The following IPO11 variants were observed in gnomAD, a reference collection of about 807,000 sequenced individuals.
The protein encoded by IPO11 is importin-11.
In IPO11, 66 loss-of-function variants were observed where a neutral mutation model predicts 143.2. The ratio of observed to expected loss-of-function variants is 0.46; its 90% confidence interval spans 0.38 to 0.57. The LOEUF (loss-of-function observed/expected upper bound fraction) is 0.57. Ranked by LOEUF, IPO11 falls within the 20% of genes least tolerant of loss-of-function variation. IPO11 has a pLI of 0.00. For missense variants in IPO11, 1,026 were observed against 1,141.0 expected (o/e 0.90, Z 1.45); for synonymous variants, 385 against 377.8 (o/e 1.02, Z -0.22).
chr5:62,471,620 T>C (rs778215915), intron 7 of IPO11, among the ~76,000 whole-genome samples: 9 of 152,214 alleles, frequency 5.9e-5, no homozygotes, highest in Non-Finnish European at 1.2e-4. Context: ...CATATTTACA[T>C]GTCGTTTCCT....
chr5:62,550,735 G>C (rs1743359992), intron 25 of IPO11, among the ~76,000 whole-genome samples: 1 of 152,024 alleles, frequency 6.6e-6, no homozygotes, highest in Admixed American at 6.6e-5. Context: ...TCCAATGCTT[G>C]ACTACTAAGA....
At chr5:62,590,901 G>T (rs1744985905) in intron 27 of IPO11, among the ~76,000 whole-genome samples, 4 of 151,688 alleles carry the variant, frequency 2.6e-5, no homozygotes, top group Admixed American at 2.6e-4. Context: ...TCATGTTTTT[G>T]CCTTTTTAAA....
intron 29 of IPO11, among the ~76,000 whole-genome samples, chr5:62,609,583 G>A (rs1219208494): frequency 6.6e-6 from 1 of 152,264 alleles, no homozygotes; most frequent in Admixed American, 6.5e-5. Flanking sequence ...CCCTCAAGGA[G>A]CTCCTAGACC....
chr5:62,435,150 A>ATATG (rs1221203328), intron 1 of IPO11, among the ~76,000 whole-genome samples: 12 of 98,142 alleles, frequency 1.2e-4, no homozygotes, highest in African/African-American at 4.9e-4. Context: ...ATATGTATAT[A>ATATG]TGTATATATA....
intron 2 of IPO11, among the ~76,000 whole-genome samples, chr5:62,441,540 A>T (rs2112140915): frequency 1.4e-5 from 1 of 73,030 alleles, no homozygotes; most frequent in Admixed American, 2.2e-4. Context: ...TATGGGACAG[A>T]GTTTTGCTCT....
At chr5:62,538,783 GC>G (rs1162656468) in intron 24 of IPO11, among the ~76,000 whole-genome samples, 1 of 152,166 alleles carries the variant, frequency 6.6e-6, no homozygotes, top group Non-Finnish European at 1.5e-5. Context: ...CAGTGAAATC[GC>G]CTAATGACAC....
At chr5:62,585,533 G>C (rs1304586702) in intron 27 of IPO11, among the ~76,000 whole-genome samples, 3 of 152,162 alleles carry the variant, frequency 2.0e-5, no homozygotes, top group African/African-American at 7.2e-5. Context: ...AGAGAGCTGG[G>C]CAGGAACCAG....
chr5:62,600,555 A>G (rs531767065), intron 28 of IPO11, among the ~76,000 whole-genome samples: 3 of 152,352 alleles, frequency 2.0e-5, no homozygotes, highest in East Asian at 3.9e-4. Flanking sequence ...ATTCAGTTCT[A>G]AAATACAAAC....
chr5:62,436,120 A>G (rs1744222691), intron 1 of IPO11, among the ~76,000 whole-genome samples: 1 of 152,170 alleles, frequency 6.6e-6, no homozygotes, highest in Admixed American at 6.5e-5. Flanking sequence ...AGATGGTACA[A>G]TGAAATTTTT....
intron 29 of IPO11, among the ~76,000 whole-genome samples, chr5:62,619,576 G>A (rs969511484): frequency 7.2e-5 from 11 of 151,818 alleles, no homozygotes; most frequent in Admixed American, 3.3e-4. Flanking sequence ...CAAACAGGCC[G>A]GGCGTGGTGG....
intron 5 of IPO11, among the ~76,000 whole-genome samples, chr5:62,457,001 A>G (rs1162870979): frequency 6.6e-6 from 1 of 152,072 alleles, no homozygotes; most frequent in Non-Finnish European, 1.5e-5. Context: ...AATTGCTTCA[A>G]CCTGGGAGGC....
At chr5:62,520,886 G>A (rs1742180490) in intron 20 of IPO11, among the ~76,000 whole-genome samples, 1 of 152,212 alleles carries the variant, frequency 6.6e-6, no homozygotes, top group Admixed American at 6.5e-5. Flanking sequence ...GGATGGCTGG[G>A]CCAAATGGTA....
rs1580152696 is a variant in IPO11, at chr5:62,418,111, T to A, written c.-7+5182T>A. Among the ~76,000 whole-genome samples the A allele has an allele frequency of 2.0e-5, 3 of 151,642 alleles. No individual in the cohort carries two copies. In the South Asian group the frequency reaches 6.2e-4, roughly 32 times the overall value. On this transcript the variant is annotated intron_variant, in intron 1 of 29. Coordinates refer to ENST00000325324, the MANE Select transcript of IPO11 (RefSeq NM_016338.5). Reference sequence around the variant, plus strand: ...GTTCGAGTGATTCTCCTGCTGCAGCTTTCCGAGTAGCTGGGATTACAGGCA... The same window carrying A: ...GTTCGAGTGATTCTCCTGCTGCAGCATTCCGAGTAGCTGGGATTACAGGCA...
intron 1 of IPO11, among the ~76,000 whole-genome samples, chr5:62,424,757 A>T (rs1464084822): frequency 6.6e-6 from 1 of 151,902 alleles, no homozygotes; most frequent in Non-Finnish European, 1.5e-5. Flanking sequence ...ATTTGTTCTT[A>T]TCTTAAATGT....
At chr5:62,516,437 G>C (rs895153880) in intron 20 of IPO11, among the ~76,000 whole-genome samples, 1 of 152,104 alleles carries the variant, frequency 6.6e-6, no homozygotes, top group East Asian at 1.9e-4. Flanking sequence ...GGGATTACAG[G>C]CACACGCCAC....
chr5:62,611,274 A>T (rs1362670210), intron 29 of IPO11, among the ~76,000 whole-genome samples: 2 of 152,202 alleles, frequency 1.3e-5, no homozygotes, highest in African/African-American at 4.8e-5. Flanking sequence ...ATCCAAGAAG[A>T]TAGGAAATAA....
intron 5 of IPO11, among the ~76,000 whole-genome samples, chr5:62,454,839 T>C (rs967949297): frequency 1.3e-5 from 2 of 152,170 alleles, no homozygotes; most frequent in South Asian, 2.1e-4. Flanking sequence ...GAATGAACAA[T>C]AGAACAGGAG....
intron 5 of IPO11, among the ~76,000 whole-genome samples, chr5:62,456,617 C>T (rs889937775): frequency 2.6e-5 from 4 of 152,148 alleles, no homozygotes; most frequent in African/African-American, 7.2e-5. Flanking sequence ...CGACGATGCC[C>T]GGCCTGGATA....
At chr5:62,583,282 G>A (rs1346205938) in intron 27 of IPO11, among the ~76,000 whole-genome samples, 7 of 152,040 alleles carry the variant, frequency 4.6e-5, no homozygotes, top group Non-Finnish European at 8.8e-5. Context: ...CATAAGGTAG[G>A]CTGAAAACTT....
Sources: gnomAD v4.1 joint callset for allele counts (sites outside exome capture counted in the v4.1 genomes callset) on GRCh38, gnomAD v4.1.1 for gene constraint, MANE v1.5 for transcripts, NCBI Gene and HGNC (gene_info 2026-07-23, HGNC 2026-07-21) for gene names.